The following KCNH5 variants were observed in gnomAD, a reference collection of about 807,000 sequenced individuals.
KCNH5 encodes voltage-gated delayed rectifier potassium channel KCNH5.
A neutral mutation model predicts 96.1 loss-of-function variants in KCNH5; 46 were observed. The observed-to-expected ratio is 0.48, with a 90% CI of 0.38 to 0.61. The LOEUF (loss-of-function observed/expected upper bound fraction) is 0.61, where lower values mean the gene tolerates loss of function less well. Among genes scored for constraint, KCNH5 ranks in the 20% least tolerant of loss-of-function variants. The pLI is 0.00. For synonymous variants in KCNH5, 439 were observed against 449.8 expected, an observed-to-expected ratio of 0.98 and a Z score of 0.30; for missense variants, 907 against 1,225.8, an observed-to-expected ratio of 0.74 and a Z score of 3.88.
chr14:63,026,219 T>G (rs1179877575), intron 1 of KCNH5, among the ~76,000 whole-genome samples: 3 of 152,024 alleles, frequency 2.0e-5, no homozygotes, highest in African/African-American at 7.2e-5. Context: ...TAACTCAAAA[T>G]GGATTGAAGA....
At chr14:62,918,238 T>G (rs767474462) in intron 7 of KCNH5, among the ~76,000 whole-genome samples, 8 of 152,192 alleles carry the variant, frequency 5.3e-5, no homozygotes, top group Non-Finnish European at 1.2e-4. Flanking sequence ...ATATAAGTGT[T>G]GGTTACATAT....
chr14:62,868,862 G>A (rs1406661636), intron 7 of KCNH5, among the ~76,000 whole-genome samples: 1 of 152,150 alleles, frequency 6.6e-6, no homozygotes, highest in East Asian at 1.9e-4. Flanking sequence ...CAAAGGACAT[G>A]AACTCATCCT....
In KCNH5 at chr14:63,045,221, C is replaced by G; in HGVS notation, c.-35G>C. 2 of 1,541,472 alleles carry G rather than the reference C, an allele frequency of 1.3e-6. No individual in the cohort carries two copies. The highest frequency in any genetic ancestry group is 1.8e-6 in the Non-Finnish European group (2 of 1,118,548). ...GGAGAGCAGCGGCCAGGATCCGCGG[C>G]GGGGGAGGGGGGGATGCAGGCAAAG... On this transcript the variant is annotated 5_prime_UTR_variant, in exon 1 of 11. Transcript: ENST00000322893.
At chr14:63,003,617 TA>T (rs1356711115) in intron 3 of KCNH5, among the ~76,000 whole-genome samples, 2 of 127,670 alleles carry the variant, frequency 1.6e-5, no homozygotes, top group African/African-American at 6.3e-5. Flanking sequence ...TTTATATATA[TA>T]TATATATTTT....
At chr14:62,797,719 A>AT (rs71451279) in intron 9 of KCNH5, among the ~76,000 whole-genome samples, 21,706 of 145,856 alleles carry the variant, frequency 0.15, 1,656 homozygotes, top group Non-Finnish European at 0.18. Flanking sequence ...CACGTTTATA[A>AT]TTTTTTTTTT....
intron 8 of KCNH5, among the ~76,000 whole-genome samples, chr14:62,808,907 G>C (rs770375697): frequency 6.6e-6 from 1 of 152,126 alleles, no homozygotes; most frequent in East Asian, 1.9e-4. Context: ...ACTCTAGCAG[G>C]TGTTCTTAAA....
At chr14:62,977,540 G>A (rs760929916) in intron 6 of KCNH5, among the ~76,000 whole-genome samples, 4 of 152,000 alleles carry the variant, frequency 2.6e-5, no homozygotes, top group Non-Finnish European at 5.9e-5. Context: ...ACCTAAAATT[G>A]ACAAACCAAG....
chr14:62,861,913 G>C (rs1370191149), intron 7 of KCNH5, among the ~76,000 whole-genome samples: 2 of 151,906 alleles, frequency 1.3e-5, no homozygotes, highest in Non-Finnish European at 2.9e-5. Flanking sequence ...AGCTTTATCA[G>C]CTACAGAAGA....
At chr14:62,867,579 G>T (rs760877279) in intron 7 of KCNH5, among the ~76,000 whole-genome samples, 2 of 152,030 alleles carry the variant, frequency 1.3e-5, no homozygotes, top group Non-Finnish European at 2.9e-5. Context: ...TCTTTATTTT[G>T]ATCTTTACAA....
intron 8 of KCNH5, among the ~76,000 whole-genome samples, chr14:62,836,339 C>T (rs558722105): frequency 2.0e-4 from 31 of 152,188 alleles, no homozygotes; most frequent in African/African-American, 7.5e-4. Context: ...CCAAGTCAGG[C>T]AACATAAGCT....
chr14:62,907,321 A>ATTAGCT (rs1889049164), intron 7 of KCNH5, among the ~76,000 whole-genome samples: 1 of 152,190 alleles, frequency 6.6e-6, no homozygotes, highest in Non-Finnish European at 1.5e-5. Flanking sequence ...ACAGGGAAGC[A>ATTAGCT]AGATAGATCT....
chr14:62,785,676 G>A (rs1886306967), intron 9 of KCNH5, among the ~76,000 whole-genome samples: 1 of 152,152 alleles, frequency 6.6e-6, no homozygotes, highest in African/African-American at 2.4e-5. Flanking sequence ...AAAAAGGATT[G>A]TAAAACAGAA....
At chr14:63,038,562 T>A (rs773201969) in intron 1 of KCNH5, among the ~76,000 whole-genome samples, 3 of 152,166 alleles carry the variant, frequency 2.0e-5, no homozygotes, top group Admixed American at 1.3e-4. Context: ...ACTTTCTTTC[T>A]AAATTACTGT....
At chr14:63,037,112 T>C (rs1891735433) in intron 1 of KCNH5, among the ~76,000 whole-genome samples, 1 of 152,188 alleles carries the variant, frequency 6.6e-6, no homozygotes, top group South Asian at 2.1e-4. Context: ...AATGCTTATT[T>C]ATGTGCCAGG....
intron 10 of KCNH5, among the ~76,000 whole-genome samples, chr14:62,773,031 T>C (rs983142840): frequency 1.3e-5 from 2 of 152,194 alleles, no homozygotes; most frequent in African/African-American, 4.8e-5. Context: ...CACATGCAAA[T>C]TGATGCCACA....
chr14:62,899,828 C>T (rs1289417241), intron 7 of KCNH5, among the ~76,000 whole-genome samples: 4 of 82,520 alleles, frequency 4.8e-5, no homozygotes, highest in African/African-American at 1.3e-4. Context: ...AGCGAGACTC[C>T]GTCTCAAAAA....
intron 10 of KCNH5, among the ~76,000 whole-genome samples, chr14:62,779,206 T>C (rs1886157854): frequency 6.6e-6 from 1 of 152,222 alleles, no homozygotes; most frequent in Admixed American, 6.5e-5. Flanking sequence ...AGCAGCAGTG[T>C]AAAATAAAGG....
chr14:62,790,573 TTTCC>T (rs1886412143), intron 9 of KCNH5, among the ~76,000 whole-genome samples: 1 of 151,440 alleles, frequency 6.6e-6, no homozygotes, highest in South Asian at 2.1e-4. Flanking sequence ...TCTTCAATTC[TTTCC>T]TTCTTTTTTT....
chr14:62,986,925 G>A (rs1359712437), intron 5 of KCNH5, 147 bp downstream of exon 5: 2 of 614,288 alleles, frequency 3.3e-6, no homozygotes, highest in Non-Finnish European at 5.7e-6. Flanking sequence ...GAAATATTTG[G>A]GATTTCTATA....
Sources: gnomAD v4.1 joint callset for allele counts (sites outside exome capture counted in the v4.1 genomes callset) on GRCh38, gnomAD v4.1.1 for gene constraint, MANE v1.5 for transcripts, NCBI Gene and HGNC (gene_info 2026-07-23, HGNC 2026-07-21) for gene names.